The following NOX4 variants were observed in gnomAD, a reference collection of about 807,000 sequenced individuals.
NOX4 encodes the protein kidney oxidase-1.
In NOX4, 69 loss-of-function variants were observed where a neutral mutation model predicts 87.6. The ratio of observed to expected loss-of-function variants is 0.79; its 90% CI spans 0.65 to 0.96. The LOEUF (loss-of-function observed/expected upper bound fraction) is 0.96. Among genes scored for constraint, NOX4 ranks in the 40% least tolerant of loss-of-function variants. The pLI is 0.00. For missense variants in NOX4, 680 were observed against 681.5 expected (o/e 1.00, Z 0.02); for synonymous variants, 275 against 238.2 (o/e 1.15, Z -1.42).
At chr11:89,333,285 A>G (rs933410562) in intron 17 of NOX4, among the ~76,000 whole-genome samples, 2 of 151,816 alleles carry the variant, frequency 1.3e-5, no homozygotes, top group Non-Finnish European at 3.0e-5. Context: ...AGAAAAAAAT[A>G]AAACAACAAA....
At chr11:89,520,254 G>A in the NOX4 span, among the ~76,000 whole-genome samples, 4 of 152,146 alleles carry the variant, frequency 2.6e-5, no homozygotes, top group Middle Eastern at 3.4e-3. Context: ...TATATGTAAA[G>A]ATGTATAATG....
chr11:89,499,551 G>A (rs191342121), upstream of NOX4, among the ~76,000 whole-genome samples: 209 of 152,174 alleles, frequency 1.4e-3, 2 homozygotes, highest in East Asian at 5.4e-3. Context: ...CAACAATCTG[G>A]CATGATATTT....
intron 6 of NOX4, among the ~76,000 whole-genome samples, chr11:89,438,905 A>G (rs866223877): frequency 4.1e-5 from 2 of 49,332 alleles, no homozygotes; most frequent in Non-Finnish European, 7.0e-5. Context: ...TTATATATAT[A>G]ATATATAATA....
intron 8 of NOX4, among the ~76,000 whole-genome samples, chr11:89,416,645 G>A (rs1942792064): frequency 6.6e-6 from 1 of 152,088 alleles, no homozygotes; most frequent in South Asian, 2.1e-4. Flanking sequence ...CTCCTGTGAT[G>A]CTCCCTGTTA....
chr11:89,403,538 G>A (rs905493866), intron 8 of NOX4, among the ~76,000 whole-genome samples: 15 of 151,978 alleles, frequency 9.9e-5, no homozygotes, highest in Non-Finnish European at 1.8e-4. Flanking sequence ...TCAGGAGTTC[G>A]AGACCAGCCT....
chr11:89,440,836 C>T (rs1017680024), intron 5 of NOX4, 121 bp from the exon 6 acceptor site: 7 of 498,384 alleles, frequency 1.4e-5, no homozygotes, highest in Middle Eastern at 5.5e-4. Context: ...GTTCATCCAA[C>T]GGAAGTGAGA....
At chr11:89,349,492 G>A (rs1327837757) in intron 13 of NOX4, among the ~76,000 whole-genome samples, 1 of 152,014 alleles carries the variant, frequency 6.6e-6, no homozygotes, top group African/African-American at 2.4e-5. Flanking sequence ...AGGCTTTGCA[G>A]TTTAAGGGTA....
Position 89,344,595 on chromosome 11 carries a change from G to A in NOX4, c.1218-2402C>T, listed in dbSNP as rs1946134999. On this transcript the variant is annotated intron_variant, in intron 13 of 17. Transcript: ENST00000263317. Reference sequence around the variant, plus strand: ...AGACATGCCTGAGACTCTTACCTCAGAAACCTAAAATAAGCTATATTAACA... The same window carrying A: ...AGACATGCCTGAGACTCTTACCTCAAAAACCTAAAATAAGCTATATTAACA... Among the ~76,000 whole-genome samples the A allele has an allele frequency of 2.0e-5, 3 of 152,150 alleles. No individual in the cohort carries two copies. In the South Asian group the frequency reaches 6.2e-4, roughly 32 times the overall value.
At chr11:89,373,069 A>G (rs1444261340) in intron 12 of NOX4, among the ~76,000 whole-genome samples, 1 of 151,816 alleles carries the variant, frequency 6.6e-6, no homozygotes, top group Admixed American at 6.6e-5. Context: ...TGTGATCTCA[A>G]TATCAGGTGT....
intron 11 of NOX4, among the ~76,000 whole-genome samples, chr11:89,393,420 C>T (rs1374574466): frequency 6.6e-6 from 1 of 151,702 alleles, no homozygotes; most frequent in Non-Finnish European, 1.5e-5. Context: ...AAACTTTCTG[C>T]CTATTGGGAT....
intron 2 of NOX4, chr11:89,488,852 A>G: frequency 5.0e-6 from 3 of 605,390 alleles, no homozygotes; most frequent in South Asian, 4.1e-5. Context: ...TCATGTGTTT[A>G]TTAGAAGAAA....
chr11:89,437,742 G>A (rs966718593), intron 6 of NOX4, among the ~76,000 whole-genome samples: 1 of 152,078 alleles, frequency 6.6e-6, no homozygotes, highest in Admixed American at 6.6e-5. Flanking sequence ...GACAGTACAT[G>A]TAAGGAAATA....
chr11:89,492,548 A>G (rs1946885249), upstream of NOX4, among the ~76,000 whole-genome samples: 2 of 152,234 alleles, frequency 1.3e-5, no homozygotes, highest in Non-Finnish European at 2.9e-5. Flanking sequence ...TTAAAAATCA[A>G]AATGAATTCA....
intron 11 of NOX4, among the ~76,000 whole-genome samples, chr11:89,389,617 A>G (rs190405345): frequency 1.1e-3 from 166 of 152,240 alleles, no homozygotes; most frequent in African/African-American, 3.9e-3. Flanking sequence ...GAAAACACAT[A>G]TTTGTGCTTT....
the NOX4 span, chr11:89,548,824 C>T: frequency 6.6e-6 from 1 of 152,102 alleles, no homozygotes; most frequent in African/African-American, 2.4e-5. Context: ...TTTCTTTGCA[C>T]CACAGACTGG....
At chr11:89,417,360 A>G (rs1196742264) in intron 8 of NOX4, among the ~76,000 whole-genome samples, 6 of 152,116 alleles carry the variant, frequency 3.9e-5, no homozygotes, top group Non-Finnish European at 7.4e-5. Context: ...GAAAGAGGAA[A>G]TGGTTTTGTT....
intron 8 of NOX4, among the ~76,000 whole-genome samples, chr11:89,403,486 A>G (rs555559527): frequency 6.6e-6 from 1 of 152,266 alleles, no homozygotes; most frequent in Non-Finnish European, 1.5e-5. Context: ...ATTATCTTTC[A>G]TGCTCTCAAA....
intron 16 of NOX4, chr11:89,336,227 A>G (rs1479164506): frequency 7.6e-6 from 2 of 264,762 alleles, no homozygotes; most frequent in Non-Finnish European, 1.4e-5. Context: ...AAATGAATCA[A>G]TTGTTAGAAC....
the NOX4 span, among the ~76,000 whole-genome samples, chr11:89,529,031 T>C: frequency 6.6e-6 from 1 of 151,766 alleles, no homozygotes; most frequent in African/African-American, 2.4e-5. Flanking sequence ...AAGATAAGAA[T>C]ACAAACAGAA....
Sources: gnomAD v4.1 joint callset for allele counts (sites outside exome capture counted in the v4.1 genomes callset) on GRCh38, gnomAD v4.1.1 for gene constraint, MANE v1.5 for transcripts, NCBI Gene and HGNC (gene_info 2026-07-23, HGNC 2026-07-21) for gene names.